Variants in MOV10 observed in about 807,000 individuals in gnomAD.
MOV10 encodes the protein Mov10 RNA helicase, also known as RNA helicase MOV-10.
Under a neutral mutation model 108.4 loss-of-function variants are expected in MOV10, and 39 were observed. The ratio of observed to expected loss-of-function variants is 0.36; its 90% CI spans 0.28 to 0.47. The LOEUF is 0.47. Ranked by LOEUF, MOV10 falls within the 20% of genes least tolerant of loss-of-function variation. The pLI is 1.00. For synonymous variants in MOV10, 490 were observed against 523.1 expected, an observed-to-expected ratio of 0.94 and a Z score of 0.86; for missense variants, 952 against 1,297.6, an observed-to-expected ratio of 0.73 and a Z score of 4.09.
At chr1:112,677,563 T>C (rs1672292589) in intron 2 of MOV10, among the ~76,000 whole-genome samples, 1 of 152,074 alleles carries the variant, frequency 6.6e-6, no homozygotes, top group Admixed American at 6.6e-5. Context: ...CACGTGGTCA[T>C]CTCCTCCTGG....
intron 3 of MOV10, 38 bp from the exon 4 acceptor site, chr1:112,689,377 T>TGGC: frequency 2.5e-6 from 2 of 792,816 alleles, no homozygotes; most frequent in Non-Finnish European, 4.5e-6. Context: ...GTCAGACCGC[T>TGGC]CCCACCCCAA....
In MOV10 at chr1:112,696,616, C is replaced by G. The variant is rs772765284; in HGVS notation, c.1982-14C>G. On this transcript the variant is annotated splice_polypyrimidine_tract_variant and intron_variant, in intron 13 of 20. Transcript: ENST00000369645. Reference sequence around the variant, plus strand: ...ACCACTTACCTTTCTTCCCACACCTCTTCTGCTTCCCAGGGCTGATGGAAG... The same window carrying G: ...ACCACTTACCTTTCTTCCCACACCTGTTCTGCTTCCCAGGGCTGATGGAAG... The G allele has an allele frequency of 2.5e-6, 4 of 1,613,468 alleles. No homozygotes were observed. The South Asian group carries it at 4.4e-5, about 18-fold the overall frequency.
At chr1:112,693,216 T>TC (rs1301850802) in intron 7 of MOV10, among the ~76,000 whole-genome samples, 2 of 152,200 alleles carry the variant, frequency 1.3e-5, no homozygotes, top group African/African-American at 4.8e-5. Flanking sequence ...ACTGGATAAT[T>TC]CTTAGAGCTC....
At chr1:112,679,705 A>C (rs915292759) in intron 2 of MOV10, among the ~76,000 whole-genome samples, 6 of 152,090 alleles carry the variant, frequency 3.9e-5, no homozygotes, top group African/African-American at 1.2e-4. Context: ...TGACTAATAA[A>C]AGAAGGAAAG....
chr1:112,677,590 T>A (rs1672295059), intron 2 of MOV10, among the ~76,000 whole-genome samples: 1 of 152,126 alleles, frequency 6.6e-6, no homozygotes. Flanking sequence ...ATCATTGTAA[T>A]ATGCTAAAGC....
Position 112,692,753 on chromosome 1 carries a change from A to G in MOV10, c.972-8A>G. Reference sequence around the variant, plus strand: ...CCCCCACTCACCCCTCCCAACCATCATTTCCAGGGCCCAGCTGGAGACAGC... The same window carrying G: ...CCCCCACTCACCCCTCCCAACCATCGTTTCCAGGGCCCAGCTGGAGACAGC... On this transcript the variant is annotated splice_polypyrimidine_tract_variant and splice_region_variant and intron_variant, in intron 6 of 20. Coordinates refer to ENST00000369645, the MANE Select transcript of MOV10 (RefSeq NM_001321324.2). The G allele has an allele frequency of 6.2e-7, 1 of 1,613,638 alleles. No homozygotes were observed. The highest frequency in any genetic ancestry group is 1.7e-5 in the Admixed American group (1 of 60,018).
At position 112,688,760 on chromosome 1, in the gene MOV10, T is replaced by C. The variant is rs115910480; in HGVS notation, c.138-175T>C. 1.6e-3 allele frequency: 2,305 copies of C among 1,444,400 alleles called. 27 individuals carry two copies. The African/African-American group carries it at 0.028, about 17-fold the overall frequency. 89.5% of individuals were successfully genotyped at this position (1,444,400 alleles called of 1,614,324 possible). On this transcript the variant is annotated intron_variant, in intron 2 of 20. Coordinates refer to ENST00000369645, the MANE Select transcript of MOV10 (RefSeq NM_001321324.2). ...GTCCCATTGCCTTCCCTGAAAACAT[T>C]AAACATTCCTCCGATCCCCAGCCTG...
At chr1:112,686,931 A>G in intron 2 of MOV10, 5 of 456,434 alleles carry the variant, frequency 1.1e-5, no homozygotes, top group South Asian at 7.7e-5. Flanking sequence ...GGACAATTGC[A>G]AGGGCCTTCT....
In MOV10 at chr1:112,698,795, A is replaced by G. The variant is rs1315136667; in HGVS notation, c.2583+6A>G. 6.2e-7 allele frequency: 1 copy of G among 1,612,906 alleles called. No homozygotes were observed. The highest frequency in any genetic ancestry group is 1.1e-5 in the South Asian group (1 of 91,058). On this transcript the variant is annotated splice_donor_region_variant and intron_variant, in intron 17 of 20. Coordinates refer to ENST00000369645, the MANE Select transcript of MOV10 (RefSeq NM_001321324.2). ...ATGACATCAAGGACTTGAAGGTGAC[A>G]TGCTGTTCCACAGTCACTCCCTGCC...
chr1:112,689,402 C>A lies in MOV10; in HGVS notation c.342-13C>A. ...TCCCACCCCAACCCCCCCTTGACTC[C>A]CCTTCTCCCCAGGGCTGAGTATCTT... On this transcript the variant is annotated splice_polypyrimidine_tract_variant and intron_variant, in intron 3 of 20. Coordinates refer to ENST00000369645, the MANE Select transcript of MOV10 (RefSeq NM_001321324.2). 1 of 1,586,044 alleles carries A rather than the reference C, an allele frequency of 6.3e-7. No individual in the cohort carries two copies. Among genetic ancestry groups the A allele is most frequent in the Non-Finnish European group, 8.7e-7 (1 of 1,155,334 alleles).
chr1:112,700,436 C>T lies in MOV10; in HGVS notation c.2941C>T (p.Leu981Phe). The change falls in exon 21 of 21, where the codon CTC (leucine) becomes TTC (phenylalanine). Residue 981 changes from leucine (L) to phenylalanine (F), a missense_variant. Physicochemically the swap from Leu to Phe is conservative, Grantham distance 22. This residue lies in a region of MOV10 where 42 missense variants were observed against 36.5 expected (regional missense o/e 1.15). Transcript: ENST00000369645. The stretch of plus-strand genomic sequence containing the variant: ...TCCAGGGCCCCACAGCCATGACTAC[C>T]TCCCCCAGGAGCGGGAGGGTGAAGG... Reference protein sequence around the residue: ...STSGPHSHDYLPQEREGEGGL... With the variant: ...STSGPHSHDYFPQEREGEGGL... The T allele has an allele frequency of 6.2e-7, 1 of 1,613,748 alleles. No individual in the cohort carries two copies. The highest frequency in any genetic ancestry group is 1.3e-5 in the African/African-American group (1 of 75,040).
intron 17 of MOV10, 112 bp from the exon 18 acceptor site, chr1:112,699,573 C>T: frequency 3.9e-6 from 6 of 1,539,688 alleles, no homozygotes; most frequent in Non-Finnish European, 5.2e-6. Flanking sequence ...ACTCACTGAT[C>T]TACAATTGCC....
rs1375373817 is a variant in MOV10 at position 112,696,865 on chromosome 1, C to T, written c.2198+19C>T. 1 of 1,555,232 alleles carries T rather than the reference C, an allele frequency of 6.4e-7. No homozygotes were observed. Among genetic ancestry groups the T allele is most frequent in the Non-Finnish European group, 8.7e-7 (1 of 1,145,560 alleles). The stretch of plus-strand genomic sequence containing the variant: ...ACTACAGGTATTCCCATGCCCTTGC[C>T]TCCCCTGCCATATCCTATGCTTTCA... On this transcript the variant is annotated intron_variant, in intron 14 of 20. Transcript: ENST00000369645.
At position 112,696,800 on chromosome 1, in the gene MOV10, G is replaced by A. The variant is rs35168617; in HGVS notation, c.2152G>A (p.Asp718Asn). The change falls in exon 14 of 21, where the codon GAT becomes AAT. Residue 718 changes from aspartate to asparagine, a missense_variant. Physicochemically the swap from Asp to Asn is conservative, Grantham distance 23. Around this residue, in one of 5 missense-constraint regions of MOV10, gnomAD observed 453 missense variants for 611.5 expected, o/e 0.74. Coordinates refer to ENST00000369645, the MANE Select transcript of MOV10 (RefSeq NM_001321324.2). ...CAACTCCCTGTACAAGAAGGGCCCTGATGGCTATGACCCCCAGTTCATAAC... is the reference window on the plus strand; with the variant it reads ...CAACTCCCTGTACAAGAAGGGCCCTAATGGCTATGACCCCCAGTTCATAAC... ...TYNSLYKKGP[D>N]GYDPQFITKL... The A allele has an allele frequency of 1.0e-3, 1,607 of 1,605,382 alleles. 1 individual carries two copies. The highest frequency in any genetic ancestry group is 1.2e-3 in the Admixed American group (70 of 59,010).
intron 11 of MOV10, 142 bp from the exon 12 acceptor site, chr1:112,696,006 C>T (rs1006835211): frequency 1.5e-6 from 1 of 669,934 alleles, no homozygotes; most frequent in African/African-American, 1.8e-5. Flanking sequence ...CACACCATGG[C>T]ACTCCAGCCT....
Position 112,699,718 on chromosome 1 carries a change from C to A in MOV10, c.2617C>A (p.Arg873=). ...AGTAGAAGAATTCCAAGGCCAAGAA[C>A]GAAGCGTCATCCTCATCTCCACCGT... The part of the protein sequence containing the change: ...GSVEEFQGQE[R]SVILISTVRS... Residue 873 remains arginine (R), a synonymous_variant, in exon 18 of 21, where the codon CGA becomes AGA. Transcript: ENST00000369645. 6.2e-7 allele frequency: 1 copy of A among 1,614,228 alleles called. No homozygotes were observed. Among genetic ancestry groups the A allele is most frequent in the African/African-American group, 1.3e-5 (1 of 75,046 alleles).
At chr1:112,691,540 C>A in intron 5 of MOV10, 125 bp from the exon 6 acceptor site, 1 of 1,203,018 alleles carries the variant, frequency 8.3e-7, no homozygotes, top group Non-Finnish European at 1.2e-6. Context: ...ACCCTTGGAG[C>A]GAGGCTGCTG....
At chr1:112,692,736 C>T (rs905389761) in intron 6 of MOV10, 25 bp from the exon 7 acceptor site, 4 of 1,612,282 alleles carry the variant, frequency 2.5e-6, no homozygotes, top group African/African-American at 2.7e-5. Context: ...TGCCCCCACT[C>T]ACCCCTCCCA....
At chr1:112,683,976 G>A (rs988897213) in intron 2 of MOV10, among the ~76,000 whole-genome samples, 8 of 151,656 alleles carry the variant, frequency 5.3e-5, no homozygotes, top group South Asian at 2.1e-4. Flanking sequence ...TTTGAGTCAG[G>A]GTCTTGCTCT....
Sources: gnomAD v4.1 joint callset for allele counts (sites outside exome capture counted in the v4.1 genomes callset) on GRCh38, gnomAD v4.1.1 for gene constraint, gnomAD v4.1.1 regional missense constraint, MANE v1.5 for transcripts, NCBI Gene and HGNC (gene_info 2026-07-23, HGNC 2026-07-21) for gene names.